ANO3: variants seen among roughly 807,000 people sequenced by gnomAD.
ANO3 encodes the protein anoctamin 3.
A neutral mutation model predicts 144.8 loss-of-function variants in ANO3; 99 were observed. The ratio of observed to expected loss-of-function variants is 0.68; its 90% CI spans 0.58 to 0.81. The LOEUF (loss-of-function observed/expected upper bound fraction) is 0.81, where lower values mean the gene tolerates loss of function less well. Ranked by LOEUF, ANO3 falls within the 30% of genes least tolerant of loss-of-function variation. The pLI, the probability that ANO3 is intolerant of heterozygous loss-of-function variation, is 0.00. For synonymous variants in ANO3, 414 were observed against 392.6 expected, an observed-to-expected ratio of 1.05 and a Z score of -0.64; for missense variants, 905 against 1,202.2, an observed-to-expected ratio of 0.75 and a Z score of 3.66.
intron 1 of ANO3, among the ~76,000 whole-genome samples, chr11:26,297,654 A>AAAC (rs1854124465): frequency 3.9e-5 from 6 of 152,200 alleles, no homozygotes; most frequent in Admixed American, 3.9e-4. Context: ...TATAGTTTGT[A>AAAC]AACAACTTTT....
chr11:26,213,348 T>A (rs1851972752), intron 1 of ANO3, among the ~76,000 whole-genome samples: 1 of 152,126 alleles, frequency 6.6e-6, no homozygotes, highest in African/African-American at 2.4e-5. Context: ...ATTGTCTGTG[T>A]TTGCAGATGA....
At chr11:26,423,327 T>TTTTTA (rs1857811595) in intron 1 of ANO3, among the ~76,000 whole-genome samples, 2 of 146,522 alleles carry the variant, frequency 1.4e-5, no homozygotes, top group Non-Finnish European at 3.0e-5. Context: ...TTTTTTTTTT[T>TTTTTA]AACAATTTGT....
At chr11:26,318,232 A>C (rs1402958261) in intron 1 of ANO3, among the ~76,000 whole-genome samples, 1 of 152,188 alleles carries the variant, frequency 6.6e-6, no homozygotes, top group Non-Finnish European at 1.5e-5. Context: ...TGTTCTGCAC[A>C]TGTACCCCAG....
chr11:26,506,048 AAT>A (rs1448589095), intron 4 of ANO3, among the ~76,000 whole-genome samples: 1 of 151,444 alleles, frequency 6.6e-6, no homozygotes. Context: ...ATACAGCAAT[AAT>A]ATGTCATTAG....
chr11:26,358,174 T>A (rs76489761), intron 1 of ANO3, among the ~76,000 whole-genome samples: 3 of 112,632 alleles, frequency 2.7e-5, no homozygotes, highest in Admixed American at 8.5e-5. Flanking sequence ...TTTCAACTTT[T>A]TTTTTTTTTT....
intron 5 of ANO3, among the ~76,000 whole-genome samples, chr11:26,514,085 G>GTTTTTT (rs142484477): frequency 1.7e-4 from 25 of 146,550 alleles, no homozygotes; most frequent in South Asian, 6.5e-4. Flanking sequence ...TACAGAAAGA[G>GTTTTTT]TTTTTTTTTT....
rs1278114968 is a variant in ANO3, at chr11:26,547,413, C to T, written c.1155-3C>T. 2 of 1,610,676 alleles carry T rather than the reference C, an allele frequency of 1.2e-6. No homozygotes were observed. The highest frequency in any genetic ancestry group is 2.7e-5 in the African/African-American group (2 of 74,666). The stretch of plus-strand genomic sequence containing the variant: ...CAGTCTAAGGATTTGCTTTCTCATG[C>T]AGGCTATACTTTGGTGAGAAGATTG... On this transcript the variant is annotated splice_region_variant and splice_polypyrimidine_tract_variant and intron_variant, in intron 11 of 26. Transcript: ENST00000256737.
intron 1 of ANO3, among the ~76,000 whole-genome samples, chr11:26,433,030 T>A (rs1384716956): frequency 1.3e-5 from 2 of 152,208 alleles, no homozygotes; most frequent in Non-Finnish European, 2.9e-5. Context: ...TTTCTATCCC[T>A]GAGCATGGAA....
chr11:26,530,198 A>G (rs1849327591), intron 7 of ANO3, among the ~76,000 whole-genome samples: 1 of 152,204 alleles, frequency 6.6e-6, no homozygotes, highest in African/African-American at 2.4e-5. Flanking sequence ...CAGCAAAGTC[A>G]GCATTACTTT....
rs552206510 is a variant in ANO3, at chr11:26,346,354, G to A, written c.46+14033G>A. On this transcript the variant is annotated intron_variant, in intron 1 of 26. Transcript: ENST00000256737. The stretch of plus-strand genomic sequence containing the variant: ...GCCTTATGAAATTTAGTAATTTACA[G>A]GGCACAATAGGGCTATTGACAAGAG... 2.4e-3 allele frequency among the ~76,000 whole-genome samples: 365 copies of A among 152,274 alleles called. 1 individual carries two copies. Among genetic ancestry groups the A allele is most frequent in the African/African-American group, 7.9e-3 (329 of 41,552 alleles).
intron 4 of ANO3, among the ~76,000 whole-genome samples, chr11:26,466,137 A>G (rs1324315814): frequency 1.3e-5 from 2 of 151,966 alleles, no homozygotes; most frequent in Non-Finnish European, 1.5e-5. Context: ...TAGGACCAAT[A>G]TGGCAAACAG....
chr11:26,328,702 A>G (rs189287873), upstream of ANO3, among the ~76,000 whole-genome samples: 452 of 152,330 alleles, frequency 3.0e-3, 7 homozygotes, highest in Non-Finnish European at 2.2e-3. Flanking sequence ...CAAGAGCAGC[A>G]GAAACATGAA....
chr11:26,605,199 GT>G (rs1392671818), intron 17 of ANO3, among the ~76,000 whole-genome samples: 25 of 152,294 alleles, frequency 1.6e-4, no homozygotes, highest in South Asian at 1.5e-3. Flanking sequence ...CGTTGGTTCT[GT>G]TAATGTGATG....
At chr11:26,232,940 G>A (rs191933593) in intron 1 of ANO3, among the ~76,000 whole-genome samples, 18 of 152,186 alleles carry the variant, frequency 1.2e-4, no homozygotes, top group East Asian at 5.8e-4. Context: ...TTACCAGGCC[G>A]GGCACAGTGG....
intron 14 of ANO3, among the ~76,000 whole-genome samples, chr11:26,590,744 G>A (rs534646451): frequency 5.3e-5 from 8 of 152,326 alleles, no homozygotes; most frequent in South Asian, 2.1e-4. Context: ...AGGGCGCCTC[G>A]CTGGATCAGG....
At chr11:26,560,060 A>G (rs1478571987) in intron 14 of ANO3, 3 of 317,622 alleles carry the variant, frequency 9.4e-6, no homozygotes, top group African/African-American at 6.4e-5. Context: ...AAACAAACTG[A>G]AACATACTAG....
chr11:26,358,298 A>C (rs1405122571), intron 1 of ANO3, among the ~76,000 whole-genome samples: 1 of 150,830 alleles, frequency 6.6e-6, no homozygotes, highest in African/African-American at 2.4e-5. Flanking sequence ...CAGCGTCCTG[A>C]GTAGCTGGGA....
Position 26,564,700 on chromosome 11 carries a change from C to T in ANO3, c.1447+4921C>T, listed in dbSNP as rs936680112. 8.6e-3 allele frequency among the ~76,000 whole-genome samples: 422 copies of T among 49,228 alleles called. 25 individuals are homozygous for T. The highest frequency in any genetic ancestry group is 0.014 in the African/African-American group (191 of 13,240). 32.3% of individuals were successfully genotyped at this position (49,228 alleles called of 152,430 possible). ...ATATATACTCATATATATACACACA[C>T]ACACACACACACACACACACACACA... On this transcript the variant is annotated intron_variant, in intron 14 of 26. Coordinates refer to ENST00000256737, the MANE Select transcript of ANO3 (RefSeq NM_031418.4).
chr11:26,518,265 T>G (rs1176468066), intron 6 of ANO3, among the ~76,000 whole-genome samples: 1 of 152,038 alleles, frequency 6.6e-6, no homozygotes, highest in African/African-American at 2.4e-5. Context: ...GACTGGGACT[T>G]ATTACAGATG....
Sources: allele counts gnomAD v4.1 joint callset (sites outside exome capture counted in the v4.1 genomes callset), GRCh38; gene constraint gnomAD v4.1.1; transcripts MANE v1.5; gene names NCBI Gene and HGNC (gene_info 2026-07-23, HGNC 2026-07-21).